The following SPMIP3 variants were observed in gnomAD, a reference collection of about 807,000 sequenced individuals.
The protein encoded by SPMIP3 is sperm microtubule inner protein 3, also known as protein SPMIP3.
At chr1:244,388,901 T>C in the SPMIP3 span, 2 of 1,436,460 alleles carry the variant, frequency 1.4e-6, no homozygotes, top group Non-Finnish European at 2.0e-6. Context: ...GTGTTAAAAA[T>C]TAGGAGTGAG....
chr1:244,364,624 A>C, the SPMIP3 span: 6 of 1,331,134 alleles, frequency 4.5e-6, no homozygotes, highest in African/African-American at 5.8e-5. Flanking sequence ...GGTACTAGAT[A>C]TCTCACCCAT....
chr1:244,375,236 T>C, the SPMIP3 span: 8 of 590,730 alleles, frequency 1.4e-5, no homozygotes, highest in Non-Finnish European at 2.3e-5. Flanking sequence ...GGAAATTCCA[T>C]GGGTTTTAGG....
chr1:244,380,187 G>A, the SPMIP3 span, among the ~76,000 whole-genome samples: 4 of 141,774 alleles, frequency 2.8e-5, no homozygotes, highest in African/African-American at 1.1e-4. Flanking sequence ...GGAGTGCAGT[G>A]GCACCATCTG....
chr1:244,353,292 C>T, the SPMIP3 span, among the ~76,000 whole-genome samples: 1 of 152,118 alleles, frequency 6.6e-6, no homozygotes, highest in African/African-American at 2.4e-5. Flanking sequence ...CACCTATAAT[C>T]CCAACACTCT....
At chr1:244,362,126 A>T in the SPMIP3 span, among the ~76,000 whole-genome samples, 1 of 152,194 alleles carries the variant, frequency 6.6e-6, no homozygotes, top group African/African-American at 2.4e-5. Flanking sequence ...AAAATCTTCA[A>T]GTTGCTTTGA....
the SPMIP3 span, among the ~76,000 whole-genome samples, chr1:244,361,983 C>G: frequency 9.1e-4 from 139 of 152,326 alleles, no homozygotes; most frequent in Non-Finnish European, 1.7e-3. Context: ...CAGATTTTCT[C>G]TCTCATTGTT....
At chr1:244,359,121 A>C in the SPMIP3 span, among the ~76,000 whole-genome samples, 2 of 147,494 alleles carry the variant, frequency 1.4e-5, no homozygotes, top group African/African-American at 5.0e-5. Context: ...TTATGTGTCC[A>C]AGAGATTATG....
the SPMIP3 span, among the ~76,000 whole-genome samples, chr1:244,359,876 C>T: frequency 2.0e-5 from 3 of 151,874 alleles, no homozygotes; most frequent in East Asian, 1.9e-4. Flanking sequence ...TTTGGGAGGC[C>T]GAGGCTGGCG....
At chr1:244,384,809 C>G in the SPMIP3 span, among the ~76,000 whole-genome samples, 1 of 152,308 alleles carries the variant, frequency 6.6e-6, no homozygotes, top group South Asian at 2.1e-4. Flanking sequence ...AGAGGCCTGA[C>G]AAGCACTCCT....
chr1:244,378,758 A>G, the SPMIP3 span: 1 of 1,116,566 alleles, frequency 9.0e-7, no homozygotes. Flanking sequence ...AGTTGGAGGC[A>G]TGGATATGTG....
chr1:244,373,888 C>T, the SPMIP3 span, among the ~76,000 whole-genome samples: 19 of 151,988 alleles, frequency 1.3e-4, no homozygotes, highest in South Asian at 4.2e-4. Context: ...CCAAGGTGGG[C>T]GGATCACTTG....
chr1:244,378,558 C>T, the SPMIP3 span: 88 of 1,614,000 alleles, frequency 5.5e-5, no homozygotes, highest in East Asian at 1.5e-3. Context: ...TATTTGTCTT[C>T]GAAGACATTC....
chr1:244,359,718 C>T, the SPMIP3 span, among the ~76,000 whole-genome samples: 6 of 150,284 alleles, frequency 4.0e-5, no homozygotes, highest in Non-Finnish European at 8.9e-5. Flanking sequence ...AGCAAAACTC[C>T]ACCTCAAAAA....
the SPMIP3 span, among the ~76,000 whole-genome samples, chr1:244,354,982 G>C: frequency 6.6e-6 from 1 of 152,186 alleles, no homozygotes; most frequent in Non-Finnish European, 1.5e-5. Flanking sequence ...CTACCAGACT[G>C]TAAGCAACAT....
the SPMIP3 span, among the ~76,000 whole-genome samples, chr1:244,358,312 A>C: frequency 5.3e-5 from 8 of 151,970 alleles, no homozygotes; most frequent in African/African-American, 1.9e-4. Context: ...GGCCGGGCAT[A>C]ATGGCTCACA....
At chr1:244,365,134 C>G in the SPMIP3 span, among the ~76,000 whole-genome samples, 7 of 152,100 alleles carry the variant, frequency 4.6e-5, no homozygotes, top group African/African-American at 1.7e-4. Flanking sequence ...ATATATGGGA[C>G]AATTGAAGTA....
the SPMIP3 span, among the ~76,000 whole-genome samples, chr1:244,354,354 ATTTTTTTT>A: frequency 4.0e-4 from 43 of 107,192 alleles, no homozygotes; most frequent in Admixed American, 3.1e-3. Context: ...CCAAACTTTG[ATTTTTTTT>A]TTTTTTTTTT....
At chr1:244,356,797 C>T in the SPMIP3 span, among the ~76,000 whole-genome samples, 1 of 152,084 alleles carries the variant, frequency 6.6e-6, no homozygotes, top group Admixed American at 6.5e-5. Flanking sequence ...TTATAACTCA[C>T]TCAGTTATTC....
At chr1:244,357,962 C>A in the SPMIP3 span, among the ~76,000 whole-genome samples, 1 of 152,006 alleles carries the variant, frequency 6.6e-6, no homozygotes, top group Admixed American at 6.6e-5. Context: ...GTGGCATGCA[C>A]CTGCAGTCCA....
Sources: allele counts gnomAD v4.1 joint callset (sites outside exome capture counted in the v4.1 genomes callset), GRCh38; gene constraint gnomAD v4.1.1; transcripts MANE v1.5; gene names NCBI Gene and HGNC (gene_info 2026-07-23, HGNC 2026-07-21).